PCDH11X: variants seen among roughly 807,000 people sequenced by gnomAD.
PCDH11X encodes the protein protocadherin 11 X-linked, also known as protocadherin-11 X-linked.
Under a neutral mutation model 53.3 loss-of-function variants are expected in PCDH11X, and 18 were observed. The ratio of observed to expected loss-of-function variants is 0.34; its 90% CI spans 0.23 to 0.50. The LOEUF (loss-of-function observed/expected upper bound fraction) is 0.50. Ranked by LOEUF, PCDH11X falls within the 20% of genes least tolerant of loss-of-function variation. The probability of loss-of-function intolerance (pLI) is 0.98; values close to 1 mark genes in which losing one functional copy is unlikely to be tolerated. For synonymous variants in PCDH11X, 279 were observed against 393.3 expected, an observed-to-expected ratio of 0.71 and a Z score of 3.44; for missense variants, 570 against 1,032.4, an observed-to-expected ratio of 0.55 and a Z score of 6.14.
intron 6 of PCDH11X, among the ~76,000 whole-genome samples, chrX:92,024,683 C>A (rs184096799): frequency 0.094 from 3,994 of 42,591 alleles, 223 homozygotes; most frequent in African/African-American, 0.27. Context: ...CATATGGAAC[C>A]AAAAAAGAGC....
At chrX:92,133,871 A>G (rs1340012182) in intron 6 of PCDH11X, among the ~76,000 whole-genome samples, 1 of 111,818 alleles carries the variant, frequency 8.9e-6, no homozygotes, top group Admixed American at 9.5e-5. Context: ...CACCCATGAC[A>G]TAGCCTCAGG....
At chrX:92,580,925 C>T (rs1441257680) in intron 10 of PCDH11X, among the ~76,000 whole-genome samples, 4 of 110,746 alleles carry the variant, frequency 3.6e-5, no homozygotes, top group Non-Finnish European at 7.6e-5. Context: ...CTTTTCCTCA[C>T]TCTCTGTGGG....
chrX:92,144,696 T>G (rs1400699197), intron 6 of PCDH11X, among the ~76,000 whole-genome samples: 2 of 110,767 alleles, frequency 1.8e-5, no homozygotes, highest in African/African-American at 6.6e-5. Context: ...CCAGCTATCC[T>G]GATGTCATTA....
At chrX:92,504,661 C>T (rs1185654652) in intron 10 of PCDH11X, among the ~76,000 whole-genome samples, 1 of 111,320 alleles carries the variant, frequency 9.0e-6, no homozygotes, top group Non-Finnish European at 1.9e-5. Flanking sequence ...GTGTATATAC[C>T]CAGTAATGGG....
Position 92,460,516 on chromosome X carries a change from C to T in PCDH11X, c.3344-7783C>T, listed in dbSNP as rs780695776. 2.2e-4 allele frequency: 160 copies of T among 712,294 alleles called. No individual in the cohort carries two copies. The African/African-American group carries it at 2.8e-3, about 13-fold the overall frequency. 58.7% of individuals were successfully genotyped at this position (712,294 alleles called of 1,213,427 possible). ...GAACACCACAGTGGTCACCACAGTC[C>T]GCCGAGGTTGGAGCTGCTGAGATGA... is the stretch of plus-strand genomic sequence containing the variant. On this transcript the variant is annotated intron_variant, in intron 9 of 10. Coordinates refer to ENST00000682573, the MANE Select transcript of PCDH11X (RefSeq NM_032968.5).
intron 10 of PCDH11X, among the ~76,000 whole-genome samples, chrX:92,609,832 A>G (rs971835538): frequency 8.6e-4 from 96 of 111,158 alleles, no homozygotes; most frequent in Non-Finnish European, 1.4e-3. Flanking sequence ...TTCCACTTAT[A>G]AGGGAGAACA....
At chrX:91,975,008 G>C (rs2525325) in intron 6 of PCDH11X, among the ~76,000 whole-genome samples, 2 of 110,968 alleles carry the variant, frequency 1.8e-5, no homozygotes, top group Admixed American at 1.9e-4. Flanking sequence ...TGCCTCGGCC[G>C]CCCAAAGTGC....
intron 6 of PCDH11X, among the ~76,000 whole-genome samples, chrX:92,122,340 T>C (rs994639502): frequency 3.6e-5 from 4 of 111,159 alleles, no homozygotes; most frequent in African/African-American, 9.8e-5. Flanking sequence ...ATTATTCCTA[T>C]CCCTGAAATA....
chrX:92,108,244 A>G (rs777013744), intron 6 of PCDH11X, among the ~76,000 whole-genome samples: 2 of 112,036 alleles, frequency 1.8e-5, no homozygotes, highest in Non-Finnish European at 3.8e-5. Context: ...TTCAATAGCA[A>G]TAGACTGGCA....
At chrX:91,939,217 G>C (rs1602528628) in intron 6 of PCDH11X, among the ~76,000 whole-genome samples, 1 of 111,131 alleles carries the variant, frequency 9.0e-6, no homozygotes, top group East Asian at 2.9e-4. Context: ...AAATGCACAG[G>C]ATGAAATTCA....
chrX:92,283,708 A>C (rs1241349182), intron 8 of PCDH11X, among the ~76,000 whole-genome samples: 1 of 111,707 alleles, frequency 9.0e-6, no homozygotes, highest in Non-Finnish European at 1.9e-5. Flanking sequence ...ATCACATAAA[A>C]TGTCCAGTGT....
At chrX:92,160,527 A>G (rs1178237803) in intron 6 of PCDH11X, among the ~76,000 whole-genome samples, 1 of 109,149 alleles carries the variant, frequency 9.2e-6, no homozygotes, top group Non-Finnish European at 1.9e-5. Context: ...CCCATCAAAT[A>G]TATACCACAG....
intron 6 of PCDH11X, among the ~76,000 whole-genome samples, chrX:91,993,627 T>A (rs1304131605): frequency 9.0e-6 from 1 of 111,070 alleles, no homozygotes; most frequent in Non-Finnish European, 1.9e-5. Flanking sequence ...GAGTTGGAGG[T>A]TAGGGATGCC....
chrX:92,260,233 C>A (rs1362698260), intron 7 of PCDH11X, among the ~76,000 whole-genome samples: 2 of 111,339 alleles, frequency 1.8e-5, no homozygotes, highest in Non-Finnish European at 3.8e-5. Flanking sequence ...AGTGCTGTAG[C>A]CATAGGTGGC....
intron 8 of PCDH11X, among the ~76,000 whole-genome samples, chrX:92,305,148 C>G (rs1478803107): frequency 3.6e-5 from 4 of 110,996 alleles, no homozygotes; most frequent in Non-Finnish European, 7.6e-5. Flanking sequence ...GAAAAACTTC[C>G]TAACAAAATT....
At chrX:92,585,391 G>A (rs1260587897) in intron 10 of PCDH11X, among the ~76,000 whole-genome samples, 33 of 92,062 alleles carry the variant, frequency 3.6e-4, no homozygotes, top group Admixed American at 7.0e-4. Context: ...TTTTTTTTTG[G>A]GACAGAGTCT....
chrX:91,828,581 TA>T (rs1937002977), intron 4 of PCDH11X, among the ~76,000 whole-genome samples: 1 of 111,503 alleles, frequency 9.0e-6, no homozygotes. Flanking sequence ...AAAATATGTG[TA>T]AAAAACTGAG....
intron 7 of PCDH11X, among the ~76,000 whole-genome samples, chrX:92,254,769 C>T (rs1433431703): frequency 9.2e-6 from 1 of 108,847 alleles, no homozygotes; most frequent in Non-Finnish European, 1.9e-5. Flanking sequence ...AATATTGGCC[C>T]CCACTCTCTT....
intron 10 of PCDH11X, among the ~76,000 whole-genome samples, chrX:92,568,480 C>G (rs991058648): frequency 1.4e-4 from 15 of 107,427 alleles, no homozygotes; most frequent in African/African-American, 4.8e-4. Context: ...AGTCAATATT[C>G]AGAATAATTA....
Sources: allele counts gnomAD v4.1 joint callset (sites outside exome capture counted in the v4.1 genomes callset), GRCh38; gene constraint gnomAD v4.1.1; transcripts MANE v1.5; gene names NCBI Gene and HGNC (gene_info 2026-07-23, HGNC 2026-07-21).